Variants in ROR2 observed in about 807,000 individuals in gnomAD.
ROR2 encodes tyrosine-protein kinase transmembrane receptor ROR2.
A neutral mutation model predicts 74.9 loss-of-function variants in ROR2; 33 were observed. That is an observed-to-expected ratio of 0.44 (90% CI 0.33 to 0.59). The LOEUF is 0.59. ROR2 is among the 20% of genes least tolerant of loss of function. ROR2 has a pLI of 0.02. For missense variants in ROR2, 1,216 were observed against 1,313.8 expected (o/e 0.93, Z 1.15); for synonymous variants, 586 against 558.7 (o/e 1.05, Z -0.69).
intron 1 of ROR2, among the ~76,000 whole-genome samples, chr9:91,888,875 T>C (rs951037560): frequency 2.0e-5 from 3 of 152,100 alleles, no homozygotes; most frequent in African/African-American, 7.2e-5. Context: ...CACTCTAGTG[T>C]GACAGGCTGT....
At chr9:91,839,632 G>A (rs1442852011) in intron 1 of ROR2, among the ~76,000 whole-genome samples, 1 of 151,200 alleles carries the variant, frequency 6.6e-6, no homozygotes, top group African/African-American at 2.4e-5. Flanking sequence ...TATATTGTGT[G>A]TGTGGTGTGA....
chr9:91,746,514 G>A (rs1825424178), intron 4 of ROR2, among the ~76,000 whole-genome samples: 1 of 152,232 alleles, frequency 6.6e-6, no homozygotes, highest in South Asian at 2.1e-4. Flanking sequence ...GCAATGGAAG[G>A]AGTTTGGGCT....
chr9:91,848,254 G>A (rs1234472068), intron 1 of ROR2, among the ~76,000 whole-genome samples: 1 of 152,158 alleles, frequency 6.6e-6, no homozygotes, highest in Non-Finnish European at 1.5e-5. Flanking sequence ...TACCTTGAAG[G>A]TCAGTATTAA....
intron 1 of ROR2, among the ~76,000 whole-genome samples, chr9:91,832,497 C>T (rs766821765): frequency 4.1e-4 from 62 of 151,706 alleles, no homozygotes; most frequent in Non-Finnish European, 8.1e-4. Flanking sequence ...TGACTGAGGT[C>T]GGCTGTCATG....
chr9:91,724,012 G>T lies in ROR2; in HGVS notation c.2482C>A (p.Pro828Thr). The T allele has an allele frequency of 6.2e-7, 1 of 1,612,296 alleles. No individual in the cohort carries two copies. The change falls in exon 9 of 9, where the codon CCG (proline) becomes ACG (threonine). Residue 828 changes from proline to threonine, a missense_variant. By Grantham distance (38) the Pro-to-Thr change is conservative (BLOSUM62 -1). Coordinates refer to ENST00000375708, the MANE Select transcript of ROR2 (RefSeq NM_004560.4). ...YVPVNGYQPV[P>T]AYGAYLPNFY... ...TTGGGCAGGTAGGCCCCATAGGCCG[G>T]CACCGGCTGGTAGCCGTTGACGGGG...
Position 91,724,541 on chromosome 9 carries a change from G to C in ROR2, c.1953C>G (p.Asn651Lys). ...YAADYYKLLGNSLLPIRWMAP... is the reference protein window; with the variant it reads ...YAADYYKLLGKSLLPIRWMAP... ...CCATCCAGCGGATAGGCAGCAGCGAGTTCCCCAGCAGCTTGTAGTAATCGG... is the reference window on the plus strand; with the variant it reads ...CCATCCAGCGGATAGGCAGCAGCGACTTCCCCAGCAGCTTGTAGTAATCGG... Residue 651 changes from asparagine to lysine, a missense_variant, in exon 9 of 9, where the codon AAC becomes AAG. Coordinates refer to ENST00000375708, the MANE Select transcript of ROR2 (RefSeq NM_004560.4). 1 of 1,614,222 alleles carries C rather than the reference G, an allele frequency of 6.2e-7. No homozygotes were observed. Among genetic ancestry groups the C allele is most frequent in the Admixed American group, 1.7e-5 (1 of 60,032 alleles).
At chr9:91,879,249 G>T (rs920026781) in intron 1 of ROR2, among the ~76,000 whole-genome samples, 2 of 152,162 alleles carry the variant, frequency 1.3e-5, no homozygotes, top group African/African-American at 4.8e-5. Context: ...CAAGGGCCTG[G>T]CCCAGGAAGA....
At chr9:91,848,410 G>T (rs1361530342) in intron 1 of ROR2, among the ~76,000 whole-genome samples, 1 of 152,180 alleles carries the variant, frequency 6.6e-6, no homozygotes, top group South Asian at 2.1e-4. Flanking sequence ...ATATATGGGG[G>T]CTCTGCTCAG....
intron 1 of ROR2, among the ~76,000 whole-genome samples, chr9:91,788,972 T>G (rs1587719850): frequency 6.8e-6 from 1 of 148,086 alleles, no homozygotes; most frequent in Non-Finnish European, 1.5e-5. Flanking sequence ...CACTAAAGGG[T>G]GGGTAGGGGA....
chr9:91,790,632 T>C (rs111528348), intron 1 of ROR2, among the ~76,000 whole-genome samples: 12 of 152,330 alleles, frequency 7.9e-5, no homozygotes, highest in African/African-American at 2.9e-4. Flanking sequence ...CTATCATCAT[T>C]TTACAGTGTA....
intron 1 of ROR2, among the ~76,000 whole-genome samples, chr9:91,855,285 T>C (rs1053108441): frequency 3.0e-4 from 46 of 152,292 alleles, no homozygotes; most frequent in African/African-American, 1.1e-3. Flanking sequence ...GAGCAGCACG[T>C]GCCCAGAAAG....
Position 91,905,881 on chromosome 9 carries a change from T to G in ROR2, c.97+43986A>C, listed in dbSNP as rs185353480. On this transcript the variant is annotated intron_variant, in intron 1 of 8. Coordinates refer to ENST00000375708, the MANE Select transcript of ROR2 (RefSeq NM_004560.4). The surrounding 1 kb of genome is among the most constrained non-coding windows in gnomAD (Gnocchi z 5.3). ...TCTCCTGGGGAATTCTTGATCCCAGTGGAAGATTACATATTAAAGAAAATG... is the reference window on the plus strand; with the variant it reads ...TCTCCTGGGGAATTCTTGATCCCAGGGGAAGATTACATATTAAAGAAAATG... Among the ~76,000 whole-genome samples, 13 of 151,932 alleles carry G rather than the reference T, an allele frequency of 8.6e-5. No individual in the cohort carries two copies. Among genetic ancestry groups the G allele is most frequent in the South Asian group, 2.1e-4 (1 of 4,796 alleles).
intron 1 of ROR2, among the ~76,000 whole-genome samples, chr9:91,907,515 T>C (rs1258925631): frequency 2.6e-5 from 4 of 152,214 alleles, no homozygotes; most frequent in Non-Finnish European, 5.9e-5. Context: ...AGTGGGATTC[T>C]GCACAGTGAA....
chr9:91,927,559 A>ATTTTTTTTTTTTTT (rs1186182004), intron 1 of ROR2, among the ~76,000 whole-genome samples: 1 of 100,132 alleles, frequency 1.0e-5, no homozygotes, highest in Non-Finnish European at 2.2e-5. Context: ...TGTTTTCTAG[A>ATTTTTTTTTTTTTT]TTCTTTTTTT....
At chr9:91,838,323 C>G (rs550487290) in intron 1 of ROR2, among the ~76,000 whole-genome samples, 1 of 152,256 alleles carries the variant, frequency 6.6e-6, no homozygotes, top group Non-Finnish European at 1.5e-5. Flanking sequence ...CTGAAGGCCC[C>G]GAGAGCTGGG....
rs1241875399 is a variant in ROR2, at chr9:91,949,725, A to G, written c.97+142T>C. 3 of 666,024 alleles carry G rather than the reference A, an allele frequency of 4.5e-6. No homozygotes were observed. In the African/African-American group the frequency reaches 5.6e-5, roughly 12 times the overall value. 41.3% of individuals were successfully genotyped at this position (666,024 alleles called of 1,614,324 possible). On this transcript the variant is annotated intron_variant, in intron 1 of 8. Coordinates refer to ENST00000375708, the MANE Select transcript of ROR2 (RefSeq NM_004560.4). ...TGCGGGCCGGGAGCGGCGTCGGGCG[A>G]GATGCGAATGGCCCTGCCTGGCGCC... is the stretch of plus-strand genomic sequence containing the variant.
chr9:91,780,173 C>T (rs1393669541), intron 1 of ROR2, among the ~76,000 whole-genome samples: 1 of 152,060 alleles, frequency 6.6e-6, no homozygotes, highest in Non-Finnish European at 1.5e-5. Context: ...GGGTGGATCA[C>T]GAGACCATCC....
rs1488004954 is a variant in ROR2, at chr9:91,851,362, AAAAAAG to A, written c.98-75550_98-75545del. On this transcript the variant is annotated intron_variant, in intron 1 of 8. Coordinates refer to ENST00000375708, the MANE Select transcript of ROR2 (RefSeq NM_004560.4). ...GAGCAAGACTCCGTCTCAAAAAAAAAAAAAAGAAAAGAAAAGAAAAAGAAAAAAAAT... is the reference window on the plus strand; with the variant it reads ...GAGCAAGACTCCGTCTCAAAAAAAAAAAAAGAAAAGAAAAAGAAAAAAAAT... Among the ~76,000 whole-genome samples the A allele has an allele frequency of 7.5e-4, 114 of 152,084 alleles. 1 individual carries two copies. Among genetic ancestry groups the A allele is most frequent in the African/African-American group, 2.6e-3 (110 of 41,514 alleles).
At chr9:91,816,707 A>T (rs1444934935) in intron 1 of ROR2, among the ~76,000 whole-genome samples, 1 of 24,420 alleles carries the variant, frequency 4.1e-5, no homozygotes, top group Non-Finnish European at 7.9e-5. Flanking sequence ...CCCCCCCAAC[A>T]CACACACTCT....
Sources: gnomAD v4.1 joint callset for allele counts (sites outside exome capture counted in the v4.1 genomes callset) on GRCh38, gnomAD v4.1.1 for gene constraint, Gnocchi (gnomAD v3.1) non-coding constraint, MANE v1.5 for transcripts, NCBI Gene and HGNC (gene_info 2026-07-23, HGNC 2026-07-21) for gene names.